The following B3GALT9 variants were observed in gnomAD, a reference collection of about 807,000 sequenced individuals.
The protein encoded by B3GALT9 is beta-1,3-galactosyltransferase 9.
chr9:120,799,005 T>G lies in B3GALT9; in HGVS notation c.437T>G (p.Ile146Arg). 1 of 399,060 alleles carries G rather than the reference T, an allele frequency of 2.5e-6. No homozygotes were observed. The highest frequency in any genetic ancestry group is 4.4e-6 in the Non-Finnish European group (1 of 226,070). 24.7% of individuals were successfully genotyped at this position (399,060 alleles called of 1,614,324 possible). ...AAAGAATCCTGTAAGAATAATGATATAATTGAAGGAATCTTCTTGGACAGT... is the reference window on the plus strand; with the variant it reads ...AAAGAATCCTGTAAGAATAATGATAGAATTGAAGGAATCTTCTTGGACAGT... ...INKESCKNND[I>R]IEGIFLDSSE... The change falls in exon 3 of 3, where the codon ATA becomes AGA. Residue 146 changes from isoleucine (I) to arginine (R), a missense_variant. Transcript: ENST00000689072.
At position 120,801,757 on chromosome 9, in the gene B3GALT9, AAAAT is replaced by A. The variant is rs1393619479; in HGVS notation, c.*2087_*2090del. 2.6e-5 allele frequency among the ~76,000 whole-genome samples: 4 copies of A among 152,062 alleles called. No homozygotes were observed. The highest frequency in any genetic ancestry group is 2.1e-4 in the South Asian group (1 of 4,826). ...TCTATCTCAAAAAACAAAATAAAATAAAATAAATAAAGTGATTTGCTTTCATGCT... is the reference window on the plus strand; with the variant it reads ...TCTATCTCAAAAAACAAAATAAAATAAAATAAAGTGATTTGCTTTCATGCT... On this transcript the variant is annotated 3_prime_UTR_variant, in exon 3 of 3. Coordinates refer to ENST00000689072, the MANE Select transcript of B3GALT9 (RefSeq NM_001386823.1).
chr9:120,799,229 G>A lies in B3GALT9; in HGVS notation c.661G>A (p.Asp221Asn). The A allele has an allele frequency of 2.5e-6, 1 of 399,142 alleles. No individual in the cohort carries two copies. Among genetic ancestry groups the A allele is most frequent in the Non-Finnish European group, 4.4e-6 (1 of 226,110 alleles). 24.7% of individuals were successfully genotyped at this position (399,142 alleles called of 1,614,324 possible). A position where few individuals can be genotyped will look rare whatever the true frequency, so the allele number is the denominator to read the frequency against. ...TCTTCATCAGGTTACACCCAATAGA[G>A]ATCCTCAGAACAGAGACTTTGTCCC... ...RVLHQVTPNR[D>N]PQNRDFVPLS... The change falls in exon 3 of 3, where the codon GAT becomes AAT. Residue 221 changes from aspartate to asparagine, a missense_variant. By Grantham distance (23) the Asp-to-Asn change is conservative. Coordinates refer to ENST00000689072, the MANE Select transcript of B3GALT9 (RefSeq NM_001386823.1).
At position 120,800,687 on chromosome 9, in the gene B3GALT9, A is replaced by G. The variant is rs1198435859; in HGVS notation, c.*1009A>G. On this transcript the variant is annotated 3_prime_UTR_variant, in exon 3 of 3. Transcript: ENST00000689072. ...TGTTATAGAATGGCTAAATCAAGCT[A>G]TTTAACACATGCATCACCTGACATA... Among the ~76,000 whole-genome samples the G allele has an allele frequency of 1.3e-5, 2 of 152,192 alleles. No homozygotes were observed. Among genetic ancestry groups the G allele is most frequent in the Non-Finnish European group, 2.9e-5 (2 of 68,018 alleles).
rs2044958373 is a variant in B3GALT9, at chr9:120,799,559, T to A, written c.991T>A (p.Cys331Ser). ...AWKEINDGKE[C>S]TLFETSYELI... ...GAAGGAAATTAATGATGGAAAAGAA[T>A]GTACACTGTTTGAGACATCCTATGA... The change falls in exon 3 of 3, where the codon TGT becomes AGT. Residue 331 changes from cysteine to serine, a missense_variant. Coordinates refer to ENST00000689072, the MANE Select transcript of B3GALT9 (RefSeq NM_001386823.1). The A allele has an allele frequency of 2.5e-6, 1 of 399,606 alleles. No homozygotes were observed. Among genetic ancestry groups the A allele is most frequent in the African/African-American group, 2.1e-5 (1 of 48,634 alleles). 24.8% of individuals were successfully genotyped at this position (399,606 alleles called of 1,614,324 possible). A position where few individuals can be genotyped will look rare whatever the true frequency, so the allele number is the denominator to read the frequency against.
chr9:120,795,898 A>G (rs1018937993), intron 1 of B3GALT9, among the ~76,000 whole-genome samples: 10 of 152,236 alleles, frequency 6.6e-5, no homozygotes, highest in African/African-American at 2.4e-4. Flanking sequence ...AGTTTCTTCA[A>G]TTCCGGCTAA....
chr9:120,795,702 T>G (rs1253839048), intron 1 of B3GALT9, among the ~76,000 whole-genome samples: 1 of 152,204 alleles, frequency 6.6e-6, no homozygotes, highest in Non-Finnish European at 1.5e-5. Context: ...TGTTGGATGT[T>G]GAAGGAAAGG....
rs191462621 is a variant in B3GALT9, at chr9:120,799,339, G to A, written c.771G>A (p.Met257Ile). The change falls in exon 3 of 3, where the codon ATG becomes ATA. Residue 257 changes from methionine (M) to isoleucine (I), a missense_variant. Coordinates refer to ENST00000689072, the MANE Select transcript of B3GALT9 (RefSeq NM_001386823.1). Reference sequence around the variant, plus strand: ...TGTCCCAAGATGTGGCTCGAATGATGTATGTGGTTTTCAAAGAAGTACCCA... The same window carrying A: ...TGTCCCAAGATGTGGCTCGAATGATATATGTGGTTTTCAAAGAAGTACCCA... ...FIMSQDVARM[M>I]YVVFKEVPMM... 3.5e-5 allele frequency: 14 copies of A among 399,274 alleles called. No homozygotes were observed. Among genetic ancestry groups the A allele is most frequent in the Non-Finnish European group, 4.9e-5 (11 of 226,196 alleles). The allele number at this position is 399,274 out of a possible 1,614,324, so 24.7% of individuals were successfully genotyped here.
chr9:120,794,995 T>A (rs1051229236), intron 1 of B3GALT9, among the ~76,000 whole-genome samples: 2 of 152,182 alleles, frequency 1.3e-5, no homozygotes, highest in Admixed American at 6.5e-5. Context: ...TGGTAGAGCA[T>A]GGCCAAGGTT....
At position 120,799,118 on chromosome 9, in the gene B3GALT9, G is replaced by A. The variant is rs2044955806; in HGVS notation, c.550G>A (p.Glu184Lys). 2.5e-6 allele frequency: 1 copy of A among 398,982 alleles called. No homozygotes were observed. Among genetic ancestry groups the A allele is most frequent in the East Asian group, 3.6e-5 (1 of 28,092 alleles). The allele number at this position is 398,982 out of a possible 1,614,324, so 24.7% of individuals were successfully genotyped here. ...PNALFILKVD[E>K]ETFVNLPSLV... ...TGCCCTGTTCATTCTCAAGGTGGAT[G>A]AAGAGACGTTTGTCAATCTACCAAG... The change falls in exon 3 of 3, where the codon GAA becomes AAA. Residue 184 changes from glutamate (E) to lysine (K), a missense_variant. Transcript: ENST00000689072.
In B3GALT9 at chr9:120,801,746, C is replaced by T. The variant is rs537508225; in HGVS notation, c.*2068C>T. Among the ~76,000 whole-genome samples the T allele has an allele frequency of 5.0e-4, 76 of 152,108 alleles. No homozygotes were observed. Among genetic ancestry groups the T allele is most frequent in the African/African-American group, 1.7e-3 (71 of 41,440 alleles). Reference sequence around the variant, plus strand: ...CAGTCTGAGACTCTATCTCAAAAAACAAAATAAAATAAAATAAATAAAGTG... The same window carrying T: ...CAGTCTGAGACTCTATCTCAAAAAATAAAATAAAATAAAATAAATAAAGTG... On this transcript the variant is annotated 3_prime_UTR_variant, in exon 3 of 3. Coordinates refer to ENST00000689072, the MANE Select transcript of B3GALT9 (RefSeq NM_001386823.1).
At position 120,798,684 on chromosome 9, in the gene B3GALT9, A is replaced by C. The variant is rs756394164; in HGVS notation, c.116A>C (p.His39Pro). Residue 39 changes from histidine to proline, a missense_variant, in exon 3 of 3, where the codon CAT (histidine) becomes CCT (proline). By Grantham distance (77) the His-to-Pro change is moderately conservative. Transcript: ENST00000689072. ...GACTTTGTGGAGGAATACTTTCTGC[A>C]TTCTTTGCCTTATATAGATGTGAAA... ...GTDFVEEYFL[H>P]SLPYIDVKVL... 1 of 399,202 alleles carries C rather than the reference A, an allele frequency of 2.5e-6. No homozygotes were observed. The highest frequency in any genetic ancestry group is 4.4e-6 in the Non-Finnish European group (1 of 226,140). 24.7% of individuals were successfully genotyped at this position (399,202 alleles called of 1,614,324 possible).
In B3GALT9 at chr9:120,793,539, T is replaced by G; in HGVS notation, c.-565T>G. 2.5e-6 allele frequency: 1 copy of G among 399,304 alleles called. No individual in the cohort carries two copies. The highest frequency in any genetic ancestry group is 3.6e-5 in the East Asian group (1 of 28,004). 24.7% of individuals were successfully genotyped at this position (399,304 alleles called of 1,614,324 possible). On this transcript the variant is annotated 5_prime_UTR_variant, in exon 1 of 3. Transcript: ENST00000689072. ...GGGAGTAGGGGTGGGGAGAAGAGCG[T>G]CCCGGGAAGCTGAACGCGTGCCGCG...
At chr9:120,797,986 C>G (rs1029512758) in intron 2 of B3GALT9, among the ~76,000 whole-genome samples, 1 of 152,060 alleles carries the variant, frequency 6.6e-6, no homozygotes, top group Non-Finnish European at 1.5e-5. Flanking sequence ...AGATTAGGAG[C>G]CATTGTCAAA....
intron 1 of B3GALT9, among the ~76,000 whole-genome samples, chr9:120,795,303 A>G (rs1258883118): frequency 6.6e-6 from 1 of 151,200 alleles, no homozygotes; most frequent in Non-Finnish European, 1.5e-5. Flanking sequence ...TCTCAACCCC[A>G]GTACAGTTTG....
rs533853548 is a variant in B3GALT9, at chr9:120,800,474, C to T, written c.*796C>T. ...GTTTCATGATGTTGCCCACGCTGGT[C>T]TTGAACTCCTGGGCTCAAGTGATCC... is the stretch of plus-strand genomic sequence containing the variant. On this transcript the variant is annotated 3_prime_UTR_variant, in exon 3 of 3. Coordinates refer to ENST00000689072, the MANE Select transcript of B3GALT9 (RefSeq NM_001386823.1). Among the ~76,000 whole-genome samples the T allele has an allele frequency of 3.9e-5, 6 of 151,984 alleles. No homozygotes were observed. The highest frequency in any genetic ancestry group is 1.4e-4 in the African/African-American group (6 of 41,390).
rs533277241 is a variant in B3GALT9 at position 120,801,611 on chromosome 9, G to A, written c.*1933G>A. ...AAAAATTAGCTGGACCCGGTGGTACGTGCCTGTAATCCCAGCTACGCGGGA... is the reference window on the plus strand; with the variant it reads ...AAAAATTAGCTGGACCCGGTGGTACATGCCTGTAATCCCAGCTACGCGGGA... On this transcript the variant is annotated 3_prime_UTR_variant, in exon 3 of 3. Coordinates refer to ENST00000689072, the MANE Select transcript of B3GALT9 (RefSeq NM_001386823.1). Among the ~76,000 whole-genome samples, 3 of 152,282 alleles carry A rather than the reference G, an allele frequency of 2.0e-5. No individual in the cohort carries two copies. Among genetic ancestry groups the A allele is most frequent in the African/African-American group, 4.8e-5 (2 of 41,564 alleles).
At chr9:120,797,272 G>A (rs2044945975) in intron 2 of B3GALT9, among the ~76,000 whole-genome samples, 2 of 152,072 alleles carry the variant, frequency 1.3e-5, no homozygotes, top group African/African-American at 2.4e-5. Context: ...TTGGAAGGCC[G>A]AGGCAGGTGG....
chr9:120,800,116 A>AT lies in B3GALT9; in HGVS notation c.*455dup, dbSNP rs34598368. Among the ~76,000 whole-genome samples, 16,380 of 122,860 alleles carry AT rather than the reference A, an allele frequency of 0.13. 1,129 individuals are homozygous for AT. Among genetic ancestry groups the AT allele is most frequent in the Middle Eastern group, 0.19 (42 of 222 alleles). The allele number at this position is 122,860 out of a possible 152,430, so 80.6% of individuals were successfully genotyped here. Reference sequence around the variant, plus strand: ...AGGCATGTGCCACCATACCCGGCTAATTTTTTTTTTTTTTTTTCGGAGACA... The same window carrying AT: ...AGGCATGTGCCACCATACCCGGCTAATTTTTTTTTTTTTTTTTTCGGAGACA... On this transcript the variant is annotated 3_prime_UTR_variant, in exon 3 of 3. Transcript: ENST00000689072.
Position 120,793,710 on chromosome 9 carries a change from T to G in B3GALT9, c.-394T>G, listed in dbSNP as rs2044908655. On this transcript the variant is annotated 5_prime_UTR_variant, in exon 1 of 3. Transcript: ENST00000689072. ...AGTAGTTTTTCTTATTATCCTCATT[T>G]TACGGAGGAGAGGGAGCTGTGGCTT... 2 of 398,706 alleles carry G rather than the reference T, an allele frequency of 5.0e-6. No homozygotes were observed. Among genetic ancestry groups the G allele is most frequent in the Non-Finnish European group, 8.8e-6 (2 of 226,114 alleles). 24.7% of individuals were successfully genotyped at this position (398,706 alleles called of 1,614,324 possible). A position where few individuals can be genotyped will look rare whatever the true frequency, so the allele number is the denominator to read the frequency against.
Sources: allele counts gnomAD v4.1 joint callset (sites outside exome capture counted in the v4.1 genomes callset), GRCh38; gene constraint gnomAD v4.1.1; transcripts MANE v1.5; gene names NCBI Gene and HGNC (gene_info 2026-07-23, HGNC 2026-07-21).